ZSWIM7: variants seen among roughly 807,000 people sequenced by gnomAD.
ZSWIM7 encodes the protein zinc finger SWIM-type containing 7.
Under a neutral mutation model 21.1 loss-of-function variants are expected in ZSWIM7, and 22 were observed. The ratio of observed to expected loss-of-function variants is 1.04; its 90% CI spans 0.74 to 1.49. The LOEUF (loss-of-function observed/expected upper bound fraction) is 1.49. ZSWIM7 is among the 40% of genes most tolerant of loss of function. ZSWIM7 has a pLI of 0.00. For synonymous variants in ZSWIM7, 67 were observed against 66.5 expected, an observed-to-expected ratio of 1.01 and a Z score of -0.04; for missense variants, 193 against 168.0, an observed-to-expected ratio of 1.15 and a Z score of -0.82.
Position 15,987,316 on chromosome 17 carries a change from G to A in ZSWIM7, c.151C>T (p.Arg51Ter), listed in dbSNP as rs955092170. Residue 51 changes from arginine to a stop codon, truncating the protein, a stop_gained, in exon 3 of 5, where the codon CGA (arginine) becomes TGA (stop). Transcript: ENST00000399277. LOFTEE classifies it high-confidence loss of function. ...GATGAGATTAAGGTGATGGACTGTCGATCAACTAGGTCCAAGGCCTGGGTG... is the reference window on the plus strand; with the variant it reads ...GATGAGATTAAGGTGATGGACTGTCAATCAACTAGGTCCAAGGCCTGGGTG... The part of the protein sequence containing the change: ...SATQALDLVD[R>*]QSITLISSPS... 1.8e-5 allele frequency: 29 copies of A among 1,613,536 alleles called. No homozygotes were observed. Among genetic ancestry groups the A allele is most frequent in the Non-Finnish European group, 2.5e-5 (29 of 1,179,830 alleles).
At chr17:15,993,979 T>C (rs112166717) in intron 1 of ZSWIM7, 6,171 of 481,948 alleles carry the variant, frequency 0.013, 323 homozygotes, top group African/African-American at 0.11. Flanking sequence ...GACGGAGTCT[T>C]GTCCTGTCAC....
Position 15,993,765 on chromosome 17 carries a change from A to T in ZSWIM7, c.90T>A (p.Tyr30Ter). 1 of 1,502,498 alleles carries T rather than the reference A, an allele frequency of 6.7e-7. No homozygotes were observed. The highest frequency in any genetic ancestry group is 9.2e-7 in the Non-Finnish European group (1 of 1,087,338). 93.1% of individuals were successfully genotyped at this position (1,502,498 alleles called of 1,614,324 possible). A position where few individuals can be genotyped will look rare whatever the true frequency, so the allele number is the denominator to read the frequency against. Reference protein sequence around the residue: ...VQESARIPDEYLLSLKFLFGS... With the variant: ...VQESARIPDE Reference sequence around the variant, plus strand: ...ACAGTATATGTACTTACGATAACAGATATTCATCAGGAACTGTAAAATGAG... The same window carrying T: ...ACAGTATATGTACTTACGATAACAGTTATTCATCAGGAACTGTAAAATGAG... The change falls in exon 2 of 5, where the codon TAT becomes TAA. Residue 30 changes from tyrosine (Y) to a stop codon, truncating the protein, a stop_gained. Coordinates refer to ENST00000399277, the MANE Select transcript of ZSWIM7 (RefSeq NM_001042697.2). LOFTEE classifies it high-confidence loss of function.
intron 2 of ZSWIM7, among the ~76,000 whole-genome samples, chr17:15,991,490 T>C (rs1209443856): frequency 6.6e-6 from 1 of 152,210 alleles, no homozygotes; most frequent in Non-Finnish European, 1.5e-5. Context: ...TTCCCCATAT[T>C]TGTGTCAACT....
chr17:15,989,455 T>A (rs1158929092), intron 2 of ZSWIM7, among the ~76,000 whole-genome samples: 1 of 151,996 alleles, frequency 6.6e-6, no homozygotes, highest in Admixed American at 6.6e-5. Flanking sequence ...TAGCTGGGAT[T>A]ATAGGTGCAG....
chr17:15,989,318 T>A (rs1245548259), intron 2 of ZSWIM7, among the ~76,000 whole-genome samples: 1 of 152,084 alleles, frequency 6.6e-6, no homozygotes, highest in Admixed American at 6.6e-5. Flanking sequence ...AATTAAAAGT[T>A]TAATTTTTTT....
At chr17:15,985,196 C>G (rs753160553) in intron 3 of ZSWIM7, among the ~76,000 whole-genome samples, 4 of 151,912 alleles carry the variant, frequency 2.6e-5, no homozygotes, top group Non-Finnish European at 5.9e-5. Flanking sequence ...CCCAGCTACT[C>G]AGGAGGCTGA....
intron 3 of ZSWIM7, among the ~76,000 whole-genome samples, chr17:15,984,532 T>G (rs1375264117): frequency 6.6e-6 from 1 of 152,176 alleles, no homozygotes; most frequent in Non-Finnish European, 1.5e-5. Flanking sequence ...GTGGTTTCAG[T>G]TAGGTCGCAA....
chr17:15,978,284 G>T, intron 4 of ZSWIM7, 121 bp from the exon 5 acceptor site: 1 of 717,608 alleles, frequency 1.4e-6, no homozygotes, highest in Non-Finnish European at 2.4e-6. Flanking sequence ...AGATTACGGG[G>T]TCTCTAACTG....
intron 1 of ZSWIM7, among the ~76,000 whole-genome samples, chr17:15,998,895 C>A (rs1347017300): frequency 6.6e-6 from 1 of 151,836 alleles, no homozygotes; most frequent in Non-Finnish European, 1.5e-5. Flanking sequence ...GCTGGAATTA[C>A]AGGCGCCCGC....
Position 15,977,978 on chromosome 17 carries a change from A to C in ZSWIM7, c.*69T>G. 1 of 1,261,958 alleles carries C rather than the reference A, an allele frequency of 7.9e-7. No individual in the cohort carries two copies. The highest frequency in any genetic ancestry group is 1.2e-5 in the South Asian group (1 of 82,654). 78.2% of individuals were successfully genotyped at this position (1,261,958 alleles called of 1,614,324 possible). ...TCCATTTCACCTCTTTTCCATGTGA[A>C]TCATGACGCTTTCAATGCATTTCTT... On this transcript the variant is annotated 3_prime_UTR_variant, in exon 5 of 5. Coordinates refer to ENST00000399277, the MANE Select transcript of ZSWIM7 (RefSeq NM_001042697.2).
chr17:15,999,481 C>T (rs774138075), intron 1 of ZSWIM7, 38 bp downstream of exon 1: 2 of 1,591,452 alleles, frequency 1.3e-6, no homozygotes, highest in Non-Finnish European at 1.7e-6. Flanking sequence ...GCCCCGCCCG[C>T]GCCCATGGCG....
intron 2 of ZSWIM7, among the ~76,000 whole-genome samples, chr17:15,991,914 GT>G (rs1567571377): frequency 0.012 from 593 of 49,556 alleles, 3 homozygotes; most frequent in Middle Eastern, 0.033. Flanking sequence ...GTTTTTTTTT[GT>G]TTGTTTTGTT....
intron 4 of ZSWIM7, among the ~76,000 whole-genome samples, chr17:15,980,681 G>T (rs369339391): frequency 2.0e-5 from 3 of 152,304 alleles, no homozygotes; most frequent in Middle Eastern, 3.4e-3. Context: ...GTAGTGCAAA[G>T]ATATACCACA....
At chr17:15,997,767 G>A (rs1970574916) in intron 1 of ZSWIM7, among the ~76,000 whole-genome samples, 1 of 152,192 alleles carries the variant, frequency 6.6e-6, no homozygotes, top group African/African-American at 2.4e-5. Flanking sequence ...GCCCCCTTCA[G>A]GACTGTCAAT....
At chr17:15,995,644 G>C (rs1053710707) in intron 1 of ZSWIM7, among the ~76,000 whole-genome samples, 1 of 147,452 alleles carries the variant, frequency 6.8e-6, no homozygotes, top group African/African-American at 2.5e-5. Flanking sequence ...GTTCAAGAAA[G>C]TTCCCAGGAA....
At chr17:15,996,576 AG>A in intron 1 of ZSWIM7, among the ~76,000 whole-genome samples, 1 of 152,266 alleles carries the variant, frequency 6.6e-6, no homozygotes, top group East Asian at 1.9e-4. Context: ...AAAATAGAAA[AG>A]AAAGCCTCAA....
At chr17:15,981,484 C>T (rs550829817) in intron 3 of ZSWIM7, among the ~76,000 whole-genome samples, 1 of 151,864 alleles carries the variant, frequency 6.6e-6, no homozygotes, top group South Asian at 2.1e-4. Flanking sequence ...GGGGGAATCT[C>T]TCATCTACAT....
intron 3 of ZSWIM7, among the ~76,000 whole-genome samples, chr17:15,982,360 T>C (rs1464331853): frequency 2.0e-5 from 3 of 152,194 alleles, no homozygotes; most frequent in African/African-American, 7.2e-5. Flanking sequence ...AGAAATGTCC[T>C]GAGGGTGATT....
intron 1 of ZSWIM7, 90 bp from the exon 2 acceptor site, chr17:15,993,868 C>G: frequency 2.1e-6 from 2 of 962,788 alleles, no homozygotes; most frequent in Admixed American, 2.2e-5. Flanking sequence ...ACTAAAAACA[C>G]TTCCGTGTGT....
Sources: gnomAD v4.1 joint callset for allele counts (sites outside exome capture counted in the v4.1 genomes callset) on GRCh38, gnomAD v4.1.1 for gene constraint, MANE v1.5 for transcripts, NCBI Gene and HGNC (gene_info 2026-07-23, HGNC 2026-07-21) for gene names.